Variants in TMPRSS15 observed in about 807,000 individuals in gnomAD.
TMPRSS15 encodes the protein transmembrane serine protease 15.
A neutral mutation model predicts 125.3 loss-of-function variants in TMPRSS15; 128 were observed. The observed-to-expected ratio is 1.02, with a 90% CI of 0.89 to 1.18. TMPRSS15 has a LOEUF of 1.18. TMPRSS15 is among the 50% of genes most tolerant of loss of function. The pLI, the probability that TMPRSS15 is intolerant of heterozygous loss-of-function variation, is 0.00. For synonymous variants in TMPRSS15, 446 were observed against 423.2 expected (o/e 1.05, Z -0.66); for missense variants, 1,283 against 1,212.7 (o/e 1.06, Z -0.86).
chr21:18,314,789 C>T (rs1029244285), intron 17 of TMPRSS15, among the ~76,000 whole-genome samples: 2 of 152,060 alleles, frequency 1.3e-5, no homozygotes, highest in Admixed American at 6.6e-5. Flanking sequence ...ACACAGGTGC[C>T]TCTGAATGTG....
intron 21 of TMPRSS15, among the ~76,000 whole-genome samples, chr21:18,284,588 C>T (rs555042804): frequency 6.6e-6 from 1 of 152,214 alleles, no homozygotes; most frequent in African/African-American, 2.4e-5. Flanking sequence ...TTTTTAAAAT[C>T]TGGTCTCAAA....
At chr21:18,327,886 T>C (rs965817701) in intron 15 of TMPRSS15, among the ~76,000 whole-genome samples, 3 of 152,096 alleles carry the variant, frequency 2.0e-5, no homozygotes, top group African/African-American at 7.2e-5. Context: ...ACCCCGTCTC[T>C]ACTAAAAATA....
At position 18,352,932 on chromosome 21, in the gene TMPRSS15, T is replaced by C. The variant is rs199814645; in HGVS notation, c.1142A>G (p.Asn381Ser). The change falls in exon 10 of 25, where the codon AAT becomes AGT. Residue 381 changes from asparagine (N) to serine (S), a missense_variant. Coordinates refer to ENST00000284885, the MANE Select transcript of TMPRSS15 (RefSeq NM_002772.3). ...AGCATTGCCAAAAGTGTGGTCAAAA[T>C]TGGGTCCAGTAAAAGGAGAAAAGGT... ...GSTFSPFTGP[N>S]FDHTFGNASG... is the part of the protein sequence containing the mutation. 4,050 of 1,612,432 alleles carry C rather than the reference T, an allele frequency of 2.5e-3. 134 individuals carry two copies. In the South Asian group the frequency reaches 0.042, roughly 17 times the overall value.
chr21:18,295,647 ATGAC>A (rs1337516349), intron 19 of TMPRSS15, among the ~76,000 whole-genome samples: 1 of 152,240 alleles, frequency 6.6e-6, no homozygotes, highest in African/African-American at 2.4e-5. Context: ...TACGTATTGA[ATGAC>A]TGGCATATTC....
rs1601465292 is a variant in TMPRSS15 at position 18,445,346 on chromosome 21, A to G, written c.10+40453T>C. 2.6e-5 allele frequency among the ~76,000 whole-genome samples: 4 copies of G among 151,790 alleles called. 1 individual carries two copies. The highest frequency in any genetic ancestry group is 2.6e-4 in the Admixed American group (4 of 15,228). ...CAGTCATGCACCACCACTCCTGGCTAATTTTTGTATTTTTAATAGAGATGG... is the reference window on the plus strand; with the variant it reads ...CAGTCATGCACCACCACTCCTGGCTGATTTTTGTATTTTTAATAGAGATGG... On this transcript the variant is annotated intron_variant, in intron 1 of 7. Coordinates refer to the TMPRSS15 transcript ENST00000422787.
rs751848704 is a variant in TMPRSS15, at chr21:18,329,253, G to A, written c.1696C>T (p.Leu566Phe). The change falls in exon 15 of 25, where the codon CTT (leucine) becomes TTT (phenylalanine). Residue 566 changes from leucine (L) to phenylalanine (F), a missense_variant. Coordinates refer to ENST00000284885, the MANE Select transcript of TMPRSS15 (RefSeq NM_002772.3). ...TCTAAGTCAAATTCTTGAAAATGAA[G>A]TTGTATATTCTTTCCTTTTTGTGCA... ...LNAQKGKNIQ[L>F]HFQEFDLENI... is the part of the protein sequence containing the mutation. 2 of 1,611,814 alleles carry A rather than the reference G, an allele frequency of 1.2e-6. No homozygotes were observed. The highest frequency in any genetic ancestry group is 1.7e-6 in the Non-Finnish European group (2 of 1,178,584).
intron 1 of TMPRSS15, among the ~76,000 whole-genome samples, chr21:18,441,839 C>T (rs541641716): frequency 4.0e-5 from 6 of 151,680 alleles, no homozygotes; most frequent in South Asian, 2.1e-4. Context: ...TGTAGGCACA[C>T]GCCACCGATC....
chr21:18,379,332 T>A lies in TMPRSS15; in HGVS notation c.497-14A>T. 8.0e-7 allele frequency: 1 copy of A among 1,243,166 alleles called. No homozygotes were observed. The highest frequency in any genetic ancestry group is 1.1e-6 in the Non-Finnish European group (1 of 935,932). The allele number at this position is 1,243,166 out of a possible 1,614,324, so 77.0% of individuals were successfully genotyped here. A position where few individuals can be genotyped will look rare whatever the true frequency, so the allele number is the denominator to read the frequency against. On this transcript the variant is annotated splice_polypyrimidine_tract_variant and intron_variant, in intron 4 of 24. Coordinates refer to ENST00000284885, the MANE Select transcript of TMPRSS15 (RefSeq NM_002772.3). Reference sequence around the variant, plus strand: ...TTGTTAGCTTGTCTGAAAAATAAATTATATTAAAATAATTATTACCTATTT... The same window carrying A: ...TTGTTAGCTTGTCTGAAAAATAAATAATATTAAAATAATTATTACCTATTT...
In TMPRSS15 at chr21:18,429,145, C is replaced by T. The variant is rs185989767; in HGVS notation, c.11-30816G>A. Among the ~76,000 whole-genome samples the T allele has an allele frequency of 5.3e-4, 81 of 152,268 alleles. No homozygotes were observed. In the East Asian group the frequency reaches 9.7e-3, roughly 18 times the overall value. On this transcript the variant is annotated intron_variant, in intron 1 of 7. Coordinates refer to the TMPRSS15 transcript ENST00000422787. ...TGCTGGATTTCAGACTAGCATGGGCCCCCTAACCACTTTGTTTTGGCCAAT... is the reference window on the plus strand; with the variant it reads ...TGCTGGATTTCAGACTAGCATGGGCTCCCTAACCACTTTGTTTTGGCCAAT...
chr21:18,402,913 T>C (rs1269920683), intron 1 of TMPRSS15, among the ~76,000 whole-genome samples: 3 of 152,234 alleles, frequency 2.0e-5, no homozygotes, highest in African/African-American at 7.2e-5. Context: ...CTAAGAGTTA[T>C]CATTTCTTAT....
intron 1 of TMPRSS15, among the ~76,000 whole-genome samples, chr21:18,464,138 A>G (rs1158836590): frequency 6.9e-6 from 1 of 144,566 alleles, no homozygotes; most frequent in Non-Finnish European, 1.5e-5. Flanking sequence ...GTGCCACTGA[A>G]CTCCAGCCTG....
chr21:18,435,380 G>T (rs915418087), intron 1 of TMPRSS15, among the ~76,000 whole-genome samples: 6 of 152,060 alleles, frequency 3.9e-5, no homozygotes, highest in African/African-American at 1.2e-4. Flanking sequence ...CTGCATCTAT[G>T]GAGATAATCA....
intron 13 of TMPRSS15, among the ~76,000 whole-genome samples, chr21:18,340,287 C>T (rs1343227310): frequency 6.6e-6 from 1 of 152,082 alleles, no homozygotes; most frequent in Non-Finnish European, 1.5e-5. Flanking sequence ...TCATCTTTCC[C>T]CCATGCTGGA....
intron 1 of TMPRSS15, among the ~76,000 whole-genome samples, chr21:18,465,556 A>G (rs1978642664): frequency 6.6e-6 from 1 of 152,230 alleles, no homozygotes; most frequent in Non-Finnish European, 1.5e-5. Flanking sequence ...AAGCAACTTC[A>G]GCAAAGTCTC....
At chr21:18,425,256 G>A (rs969091403) in intron 1 of TMPRSS15, among the ~76,000 whole-genome samples, 2 of 151,894 alleles carry the variant, frequency 1.3e-5, no homozygotes, top group Admixed American at 1.3e-4. Context: ...TTAATGTTTT[G>A]TTGCAATCAG....
intron 10 of TMPRSS15, among the ~76,000 whole-genome samples, chr21:18,349,157 T>C (rs530558391): frequency 2.6e-5 from 4 of 152,318 alleles, no homozygotes; most frequent in East Asian, 3.9e-4. Flanking sequence ...AACATTTTAT[T>C]TGAGCTATGT....
chr21:18,278,933 T>C, intron 23 of TMPRSS15, 31 bp downstream of exon 23: 1 of 899,214 alleles, frequency 1.1e-6, no homozygotes, highest in South Asian at 1.7e-5. Flanking sequence ...GGTTTTTTTT[T>C]TTTTTTTTTT....
At chr21:18,326,364 A>G in intron 16 of TMPRSS15, 68 bp downstream of exon 16, 1 of 1,600,848 alleles carries the variant, frequency 6.2e-7, no homozygotes, top group East Asian at 2.2e-5. Context: ...TTTGGCCTTG[A>G]AATTCTGTAC....
intron 17 of TMPRSS15, 75 bp downstream of exon 17, chr21:18,315,071 A>G: frequency 8.5e-7 from 1 of 1,170,230 alleles, no homozygotes; most frequent in Non-Finnish European, 1.3e-6. Context: ...CACAGTTATA[A>G]TCTTTCTTTG....
Sources: allele counts gnomAD v4.1 joint callset (sites outside exome capture counted in the v4.1 genomes callset), GRCh38; gene constraint gnomAD v4.1.1; transcripts MANE v1.5; gene names NCBI Gene and HGNC (gene_info 2026-07-23, HGNC 2026-07-21).